CACNA2D3: variants seen among roughly 807,000 people sequenced by gnomAD.
The protein encoded by CACNA2D3 is voltage-dependent calcium channel subunit alpha-2/delta-3.
CACNA2D3 carries 60 observed loss-of-function variants against 160.6 expected under a neutral mutation model. That is an observed-to-expected ratio of 0.37 (90% CI 0.30 to 0.46). The LOEUF (loss-of-function observed/expected upper bound fraction) is 0.46, where lower values mean the gene tolerates loss of function less well. CACNA2D3 is among the 20% of genes least tolerant of loss of function. The pLI is 1.00. For synonymous variants in CACNA2D3, 558 were observed against 492.9 expected (o/e 1.13, Z -1.75); for missense variants, 1,205 against 1,365.0 (o/e 0.88, Z 1.85).
At chr3:54,247,561 C>T (rs1202922565) in intron 2 of CACNA2D3, among the ~76,000 whole-genome samples, 1 of 151,940 alleles carries the variant, frequency 6.6e-6, no homozygotes, top group African/African-American at 2.4e-5. Flanking sequence ...AGAAGGTAAA[C>T]ATTAGGAACA....
chr3:54,935,144 A>G (rs1009564724), intron 27 of CACNA2D3, among the ~76,000 whole-genome samples: 2 of 152,204 alleles, frequency 1.3e-5, no homozygotes, highest in African/African-American at 4.8e-5. Context: ...GACACTGTCT[A>G]ACTCTCAGGG....
chr3:54,517,277 T>C (rs1288237823), intron 5 of CACNA2D3, among the ~76,000 whole-genome samples: 1 of 152,190 alleles, frequency 6.6e-6, no homozygotes, highest in Admixed American at 6.5e-5. Flanking sequence ...CTGCTCCTCA[T>C]TGATGAAGAG....
At chr3:54,772,196 G>T (rs1461669158) in intron 13 of CACNA2D3, among the ~76,000 whole-genome samples, 1 of 149,760 alleles carries the variant, frequency 6.7e-6, no homozygotes, top group East Asian at 2.0e-4. Context: ...GCTTAATATG[G>T]TCTGACTCTT....
At chr3:54,498,143 A>G (rs114056910) in intron 4 of CACNA2D3, among the ~76,000 whole-genome samples, 2,340 of 151,698 alleles carry the variant, frequency 0.015, 34 homozygotes, top group Middle Eastern at 0.088. Context: ...TAAAGAGTCT[A>G]TATAAGATTG....
chr3:54,849,152 T>A (rs115953013), intron 17 of CACNA2D3, among the ~76,000 whole-genome samples: 1,756 of 152,292 alleles, frequency 0.012, 36 homozygotes, highest in African/African-American at 0.04. Context: ...CTTGGCCAAC[T>A]GTGGTCTAGA....
intron 4 of CACNA2D3, among the ~76,000 whole-genome samples, chr3:54,441,932 C>G (rs1575456891): frequency 6.6e-6 from 1 of 152,130 alleles, no homozygotes; most frequent in Non-Finnish European, 1.5e-5. Context: ...ACAAAGAAAA[C>G]CACAAAGACC....
At chr3:55,011,438 C>T (rs1703210059) in intron 34 of CACNA2D3, among the ~76,000 whole-genome samples, 1 of 152,170 alleles carries the variant, frequency 6.6e-6, no homozygotes, top group South Asian at 2.1e-4. Flanking sequence ...TGATCATCAC[C>T]AGGGAATTTA....
At chr3:54,983,355 A>G (rs1702546597) in intron 29 of CACNA2D3, among the ~76,000 whole-genome samples, 1 of 152,210 alleles carries the variant, frequency 6.6e-6, no homozygotes, top group Admixed American at 6.5e-5. Flanking sequence ...GCTGGTGGCT[A>G]CCATATTAGA....
intron 11 of CACNA2D3, among the ~76,000 whole-genome samples, chr3:54,671,302 C>G (rs1401011203): frequency 6.6e-6 from 1 of 151,846 alleles, no homozygotes; most frequent in Admixed American, 6.6e-5. Context: ...GGTCTGTACT[C>G]CTACCCTTTG....
At chr3:54,641,982 A>G (rs1699531086) in intron 10 of CACNA2D3, 146 bp from the exon 11 acceptor site, 2 of 506,708 alleles carry the variant, frequency 3.9e-6, no homozygotes, top group South Asian at 3.2e-5. Flanking sequence ...GTGTGGAAAG[A>G]CTTTTTGTAT....
chr3:54,367,857 A>T (rs1182813990), intron 3 of CACNA2D3, among the ~76,000 whole-genome samples: 3 of 152,158 alleles, frequency 2.0e-5, no homozygotes, highest in African/African-American at 7.2e-5. Flanking sequence ...GTTTTCTGCC[A>T]TCCGCATGGC....
intron 4 of CACNA2D3, among the ~76,000 whole-genome samples, chr3:54,436,376 C>G (rs1455044065): frequency 6.6e-6 from 1 of 152,168 alleles, no homozygotes; most frequent in Non-Finnish European, 1.5e-5. Flanking sequence ...GTGGTTATTC[C>G]TCAGGGATCT....
At chr3:54,458,886 A>G (rs991055128) in intron 4 of CACNA2D3, among the ~76,000 whole-genome samples, 1 of 151,978 alleles carries the variant, frequency 6.6e-6, no homozygotes, top group Non-Finnish European at 1.5e-5. Context: ...CTCGTCATTT[A>G]GCATTAGGTA....
intron 11 of CACNA2D3, among the ~76,000 whole-genome samples, chr3:54,702,290 A>G (rs527379363): frequency 6.6e-5 from 10 of 152,220 alleles, no homozygotes; most frequent in East Asian, 1.9e-4. Context: ...GCTTCTGCAC[A>G]GCAAAAGAAG....
intron 14 of CACNA2D3, among the ~76,000 whole-genome samples, chr3:54,819,879 T>TA (rs1377540338): frequency 2.0e-5 from 3 of 152,018 alleles, no homozygotes; most frequent in African/African-American, 7.2e-5. Context: ...CCTGTGTGCT[T>TA]AAACTGACTG....
At chr3:54,707,696 C>T (rs946300047) in intron 11 of CACNA2D3, among the ~76,000 whole-genome samples, 134 of 152,212 alleles carry the variant, frequency 8.8e-4, no homozygotes, top group African/African-American at 3.1e-3. Context: ...TGTCCATAGG[C>T]TTTTGCTGAC....
At chr3:54,588,153 A>G (rs1210558063) in intron 9 of CACNA2D3, among the ~76,000 whole-genome samples, 3 of 152,252 alleles carry the variant, frequency 2.0e-5, no homozygotes. Context: ...AGCCAATGTA[A>G]CATCCATGTC....
intron 2 of CACNA2D3, among the ~76,000 whole-genome samples, chr3:54,209,438 G>C (rs982693685): frequency 6.6e-6 from 1 of 152,158 alleles, no homozygotes; most frequent in Non-Finnish European, 1.5e-5. Context: ...AGAACTTTCA[G>C]CTAATGAAAA....
intron 24 of CACNA2D3, among the ~76,000 whole-genome samples, chr3:54,888,442 A>G (rs1296842829): frequency 1.3e-5 from 2 of 152,104 alleles, no homozygotes; most frequent in East Asian, 3.9e-4. Flanking sequence ...GCTCAGTTTC[A>G]TAGGGTGTTA....
Sources: allele counts gnomAD v4.1 joint callset (sites outside exome capture counted in the v4.1 genomes callset), GRCh38; gene constraint gnomAD v4.1.1; transcripts MANE v1.5; gene names NCBI Gene and HGNC (gene_info 2026-07-23, HGNC 2026-07-21).